Variants in RPA3 observed in about 807,000 individuals in gnomAD.
RPA3 encodes replication protein A 14 kDa subunit.
RPA3 carries 24 observed loss-of-function variants against 13.7 expected under a neutral mutation model. That is an observed-to-expected ratio of 1.75 (90% CI 1.27 to 2.46). The LOEUF (loss-of-function observed/expected upper bound fraction) is 2.46, where lower values mean the gene tolerates loss of function less well. Ranked by LOEUF, RPA3 falls within the 30% of genes most tolerant of loss-of-function variation. The probability of loss-of-function intolerance (pLI) is 0.00; values close to 1 mark genes in which losing one functional copy is unlikely to be tolerated. For synonymous variants in RPA3, 59 were observed against 51.2 expected, an observed-to-expected ratio of 1.15 and a Z score of -0.65; for missense variants, 183 against 151.0, an observed-to-expected ratio of 1.21 and a Z score of -1.11.
chr7:7,717,996 GT>G (rs1459997505), intron 1 of RPA3, among the ~76,000 whole-genome samples: 1 of 152,170 alleles, frequency 6.6e-6, no homozygotes, highest in Non-Finnish European at 1.5e-5. Flanking sequence ...AGCTTTTAGA[GT>G]TTAGGGAAAT....
intron 2 of RPA3, among the ~76,000 whole-genome samples, chr7:7,705,210 A>C (rs984200009): frequency 1.3e-5 from 2 of 152,200 alleles, no homozygotes; most frequent in African/African-American, 4.8e-5. Context: ...AGTGGCATAT[A>C]AACTTCCAAG....
chr7:7,657,887 G>C (rs9692400), intron 4 of RPA3, among the ~76,000 whole-genome samples: 1 of 151,938 alleles, frequency 6.6e-6, no homozygotes, highest in Non-Finnish European at 1.5e-5. Context: ...CATTGAATCT[G>C]TAAATTACTT....
At position 7,700,515 on chromosome 7, in the gene RPA3, A is replaced by G. The variant is rs149455011; in HGVS notation, c.-1027-13187T>C. Among the ~76,000 whole-genome samples, 5 of 152,278 alleles carry G rather than the reference A, an allele frequency of 3.3e-5. No individual in the cohort carries two copies. The East Asian group carries it at 7.7e-4, about 23-fold the overall frequency. On this transcript the variant is annotated intron_variant, in intron 2 of 7. Transcript: ENST00000223129. ...CAATGTGGGAAGATCGCTTGAGGCC[A>G]TAAGTTCTAGACCATACTGGGTAAC...
chr7:7,663,356 A>G (rs199533040), intron 4 of RPA3, among the ~76,000 whole-genome samples: 5 of 151,618 alleles, frequency 3.3e-5, no homozygotes, highest in African/African-American at 1.2e-4. Context: ...ATTTATGTTA[A>G]TCAATTTAAT....
intron 2 of RPA3, among the ~76,000 whole-genome samples, chr7:7,690,107 A>T (rs141173618): frequency 6.6e-6 from 1 of 152,270 alleles, no homozygotes; most frequent in African/African-American, 2.4e-5. Flanking sequence ...CGTATTACTG[A>T]TATTAGGCAG....
chr7:7,654,342 C>G (rs959118110), intron 4 of RPA3, among the ~76,000 whole-genome samples: 2 of 152,098 alleles, frequency 1.3e-5, no homozygotes, highest in African/African-American at 4.8e-5. Context: ...AGGGGAGGTT[C>G]TGTTCTAAAA....
intron 2 of RPA3, among the ~76,000 whole-genome samples, chr7:7,714,859 T>C (rs1005931382): frequency 7.3e-5 from 11 of 150,400 alleles, no homozygotes; most frequent in Non-Finnish European, 7.4e-5. Flanking sequence ...TTTTCTTTTT[T>C]TTTTTTTTTT....
chr7:7,662,483 A>G lies in RPA3; in HGVS notation c.-757-21308T>C, dbSNP rs1785499708. On this transcript the variant is annotated intron_variant, in intron 4 of 7. Transcript: ENST00000223129. The stretch of plus-strand genomic sequence containing the variant: ...GAATCTCCTGGTCTGTGGGTTGCGA[A>G]GACCGTGGGAAAAGCGTAGTATCCG... 1.3e-5 allele frequency among the ~76,000 whole-genome samples: 2 copies of G among 152,220 alleles called. 1 individual carries two copies. The highest frequency in any genetic ancestry group is 1.3e-4 in the Admixed American group (2 of 15,286).
At chr7:7,699,038 G>T (rs939163454) in intron 2 of RPA3, among the ~76,000 whole-genome samples, 1 of 122,678 alleles carries the variant, frequency 8.2e-6, no homozygotes, top group Non-Finnish European at 1.8e-5. Context: ...TATAGTTTGT[G>T]TGTGTGTGTG....
intron 2 of RPA3, among the ~76,000 whole-genome samples, chr7:7,701,697 G>T (rs559084503): frequency 4.3e-4 from 66 of 152,146 alleles, no homozygotes; most frequent in Non-Finnish European, 7.9e-4. Flanking sequence ...AGAATGACAG[G>T]GTATTTACTT....
chr7:7,711,565 A>G (rs938392044), intron 2 of RPA3, among the ~76,000 whole-genome samples: 12 of 152,102 alleles, frequency 7.9e-5, no homozygotes, highest in Admixed American at 7.2e-4. Flanking sequence ...AGAAAATGGT[A>G]TCTTGTGTTT....
intron 1 of RPA3, 66 bp from the exon 2 acceptor site, chr7:7,715,292 T>C (rs1460815412): frequency 1.3e-5 from 2 of 152,110 alleles, no homozygotes; most frequent in Non-Finnish European, 2.9e-5. Flanking sequence ...ATGAATACAG[T>C]TTCATCAATG....
At chr7:7,648,887 G>A (rs1328902920) in intron 4 of RPA3, among the ~76,000 whole-genome samples, 4 of 149,482 alleles carry the variant, frequency 2.7e-5, no homozygotes, top group African/African-American at 9.9e-5. Context: ...GGCCGGGCGC[G>A]GTCGCTCACA....
chr7:7,667,514 G>A (rs911026075), intron 4 of RPA3, among the ~76,000 whole-genome samples: 1 of 152,158 alleles, frequency 6.6e-6, no homozygotes, highest in Non-Finnish European at 1.5e-5. Context: ...GGCAGAGGTT[G>A]CAGTTTTTTT....
chr7:7,696,261 C>T (rs1780313957), intron 2 of RPA3, among the ~76,000 whole-genome samples: 1 of 151,000 alleles, frequency 6.6e-6, no homozygotes. Flanking sequence ...ATACAAGACT[C>T]ACTCTTTTAG....
intron 4 of RPA3, among the ~76,000 whole-genome samples, chr7:7,650,101 T>G (rs1313975310): frequency 6.6e-6 from 1 of 152,226 alleles, no homozygotes; most frequent in African/African-American, 2.4e-5. Flanking sequence ...CGAAAGTTAC[T>G]TTGGGTCAAG....
At chr7:7,710,543 A>G (rs914858065) in intron 2 of RPA3, among the ~76,000 whole-genome samples, 1 of 152,176 alleles carries the variant, frequency 6.6e-6, no homozygotes, top group African/African-American at 2.4e-5. Context: ...GCTAAAATAA[A>G]TAGTAATAAC....
At chr7:7,646,771 C>G (rs188120069) in intron 4 of RPA3, among the ~76,000 whole-genome samples, 42 of 152,130 alleles carry the variant, frequency 2.8e-4, no homozygotes, top group Admixed American at 2.4e-3. Context: ...GCCAAACTCC[C>G]CTCGACACTC....
At position 7,636,835 on chromosome 7, in the gene RPA3, G is replaced by A. The variant is rs1158758615; in HGVS notation, c.*165C>T. On this transcript the variant is annotated 3_prime_UTR_variant, in exon 8 of 8. Coordinates refer to ENST00000223129, the MANE Select transcript of RPA3 (RefSeq NM_002947.5). ...CAATTCTTTATAAAAGGACTTCGGT[G>A]AGAACTGTCAATATATCAGTTCCAT... 1 of 591,028 alleles carries A rather than the reference G, an allele frequency of 1.7e-6. No individual in the cohort carries two copies. 36.6% of individuals were successfully genotyped at this position (591,028 alleles called of 1,614,324 possible).
Sources: gnomAD v4.1 joint callset for allele counts (sites outside exome capture counted in the v4.1 genomes callset) on GRCh38, gnomAD v4.1.1 for gene constraint, MANE v1.5 for transcripts, NCBI Gene and HGNC (gene_info 2026-07-23, HGNC 2026-07-21) for gene names.